The following ANKRD30B variants were observed in gnomAD, a reference collection of about 807,000 sequenced individuals.
ANKRD30B encodes the protein ankyrin repeat domain-containing protein 30B.
ANKRD30B carries 144 observed loss-of-function variants against 202.2 expected under a neutral mutation model. The ratio of observed to expected loss-of-function variants is 0.71; its 90% CI spans 0.62 to 0.82. The LOEUF (loss-of-function observed/expected upper bound fraction) is 0.82, where lower values mean the gene tolerates loss of function less well. Ranked by LOEUF, ANKRD30B falls within the 40% of genes least tolerant of loss-of-function variation. The pLI is 0.00. For missense variants in ANKRD30B, 1,487 were observed against 1,669.1 expected (o/e 0.89, Z 1.90); for synonymous variants, 508 against 561.3 (o/e 0.91, Z 1.34).
chr18:14,877,954 T>C, the ANKRD30B span: 1 of 152,170 alleles, frequency 6.6e-6, no homozygotes, highest in Admixed American at 6.5e-5. Context: ...GTTCTTTTTG[T>C]CTCCCTGACT....
the ANKRD30B span, among the ~76,000 whole-genome samples, chr18:14,904,837 A>T: frequency 1.3e-5 from 2 of 152,178 alleles, no homozygotes; most frequent in African/African-American, 4.8e-5. Flanking sequence ...GAGGCTTTTG[A>T]ATCAGAGAGA....
chr18:14,760,340 C>T (rs1915057404), intron 5 of ANKRD30B, among the ~76,000 whole-genome samples: 1 of 152,034 alleles, frequency 6.6e-6, no homozygotes, highest in Non-Finnish European at 1.5e-5. Flanking sequence ...TTATACTGCC[C>T]TCAATTCATG....
intron 39 of ANKRD30B, among the ~76,000 whole-genome samples, chr18:14,843,553 CTGTGTGTG>C (rs56044501): frequency 0.19 from 28,274 of 145,274 alleles, 2,720 homozygotes; most frequent in East Asian, 0.27. Context: ...AGCTTACTTT[CTGTGTGTG>C]TGTGTGTGTG....
intron 22 of ANKRD30B, among the ~76,000 whole-genome samples, chr18:14,799,577 G>C (rs1490817129): frequency 2.6e-5 from 4 of 152,072 alleles, no homozygotes; most frequent in Admixed American, 6.6e-5. Context: ...TCGGTTTTAA[G>C]GCAGGTGAAT....
At chr18:14,939,122 A>G in the ANKRD30B span, among the ~76,000 whole-genome samples, 1 of 152,230 alleles carries the variant, frequency 6.6e-6, no homozygotes, top group Non-Finnish European at 1.5e-5. Context: ...GTTGGAAGGA[A>G]AGGGACAGGT....
intron 10 of ANKRD30B, among the ~76,000 whole-genome samples, chr18:14,779,052 A>G (rs1244358122): frequency 6.6e-6 from 1 of 152,226 alleles, no homozygotes; most frequent in Non-Finnish European, 1.5e-5. Context: ...ACAGACGTAG[A>G]CATTATTTTG....
chr18:14,837,021 C>G lies in ANKRD30B; in HGVS notation c.2848-190C>G, dbSNP rs187705114. The stretch of plus-strand genomic sequence containing the variant: ...ATCTCTACCATTTCTTGAACATAAG[C>G]CAGAATCTATCTTCCATGTATATTT... On this transcript the variant is annotated intron_variant, in intron 34 of 43. Transcript: ENST00000690538. The G allele has an allele frequency of 7.2e-4, 333 of 461,082 alleles. 1 individual carries two copies. Among genetic ancestry groups the G allele is most frequent in the African/African-American group, 6.0e-3 (299 of 49,488 alleles). 28.6% of individuals were successfully genotyped at this position (461,082 alleles called of 1,614,324 possible).
chr18:14,883,566 G>T, the ANKRD30B span: 1 of 149,680 alleles, frequency 6.7e-6, no homozygotes, highest in South Asian at 2.2e-4. Context: ...TTGGGTAAAT[G>T]GTGGCTGATT....
At chr18:14,894,007 A>G in the ANKRD30B span, among the ~76,000 whole-genome samples, 8 of 151,772 alleles carry the variant, frequency 5.3e-5, no homozygotes, top group Non-Finnish European at 1.0e-4. Flanking sequence ...AACATGAAAA[A>G]CCAGGCAATA....
chr18:14,882,135 T>G, the ANKRD30B span, among the ~76,000 whole-genome samples: 11 of 152,214 alleles, frequency 7.2e-5, no homozygotes, highest in Admixed American at 5.2e-4. Context: ...ATCTTGGTTA[T>G]TTCCTTTGTT....
At chr18:14,788,164 G>T (rs1237074886) in intron 15 of ANKRD30B, among the ~76,000 whole-genome samples, 1 of 152,130 alleles carries the variant, frequency 6.6e-6, no homozygotes, top group Non-Finnish European at 1.5e-5. Context: ...AATGCTGTAT[G>T]TGTCATGGCA....
chr18:14,750,484 T>G (rs757223945), intron 1 of ANKRD30B, among the ~76,000 whole-genome samples: 4 of 152,172 alleles, frequency 2.6e-5, no homozygotes, highest in Non-Finnish European at 5.9e-5. Context: ...ATATTTATAG[T>G]ACTCCTTAAA....
intron 34 of ANKRD30B, among the ~76,000 whole-genome samples, chr18:14,834,670 A>G (rs1947756775): frequency 6.6e-6 from 1 of 151,984 alleles, no homozygotes; most frequent in Admixed American, 6.6e-5. Flanking sequence ...AATACCTAGT[A>G]GAGAATAATT....
At chr18:14,804,689 A>G (rs938095945) in intron 24 of ANKRD30B, among the ~76,000 whole-genome samples, 1 of 150,670 alleles carries the variant, frequency 6.6e-6, no homozygotes, top group African/African-American at 2.5e-5. Flanking sequence ...ATTTTTGAGT[A>G]TGTTTTTAGT....
At chr18:14,878,380 C>A in the ANKRD30B span, among the ~76,000 whole-genome samples, 3 of 57,480 alleles carry the variant, frequency 5.2e-5, no homozygotes, top group Non-Finnish European at 1.6e-4. Context: ...AAGGCACCTA[C>A]CCCATTTACA....
intron 36 of ANKRD30B, among the ~76,000 whole-genome samples, chr18:14,839,614 TC>T (rs1971328062): frequency 6.6e-6 from 1 of 152,242 alleles, no homozygotes; most frequent in African/African-American, 2.4e-5. Flanking sequence ...GCTCTACTTT[TC>T]TGAAGTTATG....
At chr18:14,935,483 C>A in the ANKRD30B span, among the ~76,000 whole-genome samples, 2 of 152,232 alleles carry the variant, frequency 1.3e-5, no homozygotes, top group African/African-American at 4.8e-5. Context: ...ACTCCAAGCT[C>A]CTTCCCTACG....
At chr18:14,809,312 G>A (rs1969765505) in intron 26 of ANKRD30B, among the ~76,000 whole-genome samples, 1 of 150,960 alleles carries the variant, frequency 6.6e-6, no homozygotes, top group South Asian at 2.1e-4. Context: ...CCTTAAAAAA[G>A]AAACACAGTC....
At chr18:14,915,358 A>G in the ANKRD30B span, among the ~76,000 whole-genome samples, 1 of 152,154 alleles carries the variant, frequency 6.6e-6, no homozygotes, top group Non-Finnish European at 1.5e-5. Context: ...TTCTTCCTCC[A>G]CCACTCTAAC....
Sources: gnomAD v4.1 joint callset for allele counts (sites outside exome capture counted in the v4.1 genomes callset) on GRCh38, gnomAD v4.1.1 for gene constraint, MANE v1.5 for transcripts, NCBI Gene and HGNC (gene_info 2026-07-23, HGNC 2026-07-21) for gene names.